The following SIPA1L3 variants were observed in gnomAD, a reference collection of about 807,000 sequenced individuals.
SIPA1L3 encodes the protein signal-induced proliferation-associated 1-like protein 3.
SIPA1L3 carries 59 observed loss-of-function variants against 150.1 expected under a neutral mutation model. The ratio of observed to expected loss-of-function variants is 0.39; its 90% CI spans 0.32 to 0.49. The LOEUF is 0.49. Ranked by LOEUF, SIPA1L3 falls within the 20% of genes least tolerant of loss-of-function variation. The pLI is 0.86. For synonymous variants in SIPA1L3, 1,070 were observed against 1,077.6 expected (o/e 0.99, Z 0.14); for missense variants, 2,211 against 2,489.5 (o/e 0.89, Z 2.38).
chr19:38,068,091 C>G (rs1385235240), intron 2 of SIPA1L3, among the ~76,000 whole-genome samples: 3 of 149,830 alleles, frequency 2.0e-5, no homozygotes, highest in African/African-American at 7.4e-5. Flanking sequence ...GGCGCTATCT[C>G]GGCTCACTGC....
rs543783378 is a variant in SIPA1L3, at chr19:38,135,530, G to A, written c.3143+4758G>A. On this transcript the variant is annotated intron_variant, in intron 10 of 21. Transcript: ENST00000222345. ...TCCCACGGGTGCACACGATAAGCCA[G>A]CTTGCGCATCGCATGACTCTCACCC... 2.0e-5 allele frequency among the ~76,000 whole-genome samples: 3 copies of A among 152,324 alleles called. No homozygotes were observed. The East Asian group carries it at 5.8e-4, about 29-fold the overall frequency.
chr19:38,119,857 T>A lies in SIPA1L3; in HGVS notation c.2843T>A (p.Ile948Lys). 6.2e-7 allele frequency: 1 copy of A among 1,611,294 alleles called. No homozygotes were observed. Residue 948 changes from isoleucine (I) to lysine (K), a missense_variant, in exon 9 of 22, where the codon ATA (isoleucine) becomes AAA (lysine). Transcript: ENST00000222345. ...LQATEGSVED[I>K]REIVQRLKVM... ...GCGACAGAGGGTTCTGTGGAGGACA[T>A]AAGGGAGATAGTGCAGAGACTGAAG...
chr19:37,927,521 CGTGTGTGTGTGTGTGTGT>C (rs144453861), intron 1 of SIPA1L3, among the ~76,000 whole-genome samples: 15 of 136,828 alleles, frequency 1.1e-4, no homozygotes, highest in African/African-American at 3.6e-4. Context: ...GTCTGTTGTT[CGTGTGTGTGTGTGTGTGT>C]GTGTGTGTGT....
At chr19:38,059,905 G>A (rs1038365286) in intron 2 of SIPA1L3, among the ~76,000 whole-genome samples, 2 of 152,138 alleles carry the variant, frequency 1.3e-5, no homozygotes, top group African/African-American at 4.8e-5. Flanking sequence ...CTCCCAAGTA[G>A]CTGGGATTAC....
rs1970041541 is a variant in SIPA1L3 at position 38,082,953 on chromosome 19, C to A, written c.1388C>A (p.Ala463Asp). The A allele has an allele frequency of 6.2e-7, 1 of 1,612,892 alleles. No individual in the cohort carries two copies. Among genetic ancestry groups the A allele is most frequent in the Non-Finnish European group, 8.5e-7 (1 of 1,179,856 alleles). Residue 463 changes from alanine (A) to aspartate (D), a missense_variant, in exon 3 of 22, where the codon GCC becomes GAC. Transcript: ENST00000222345. ...SSGEGHLAEP[A>D]LSAYRTNASI... ...GGCGAGGGCCACCTGGCAGAGCCCG[C>A]CCTGAGCGCCTACCGCACCAACGCC... is the stretch of plus-strand genomic sequence containing the variant.
At chr19:38,034,604 C>T (rs576017915) in intron 2 of SIPA1L3, among the ~76,000 whole-genome samples, 2 of 152,286 alleles carry the variant, frequency 1.3e-5, no homozygotes, top group Non-Finnish European at 2.9e-5. Flanking sequence ...CAGAGCCCAG[C>T]AGTGTGTTTT....
chr19:38,024,025 G>A (rs1046987481), intron 1 of SIPA1L3, among the ~76,000 whole-genome samples: 16 of 152,148 alleles, frequency 1.1e-4, no homozygotes, highest in Admixed American at 3.9e-4. Flanking sequence ...GGGGGAGGGG[G>A]GTGGACGAGG....
intron 1 of SIPA1L3, among the ~76,000 whole-genome samples, chr19:37,935,367 T>A (rs2046591151): frequency 6.6e-6 from 1 of 152,202 alleles, no homozygotes; most frequent in South Asian, 2.1e-4. Flanking sequence ...TGATTGTGTG[T>A]TTCTTTTTCA....
intron 1 of SIPA1L3, among the ~76,000 whole-genome samples, chr19:37,989,234 T>C (rs936805767): frequency 6.6e-6 from 1 of 152,124 alleles, no homozygotes; most frequent in African/African-American, 2.4e-5. Context: ...TTTGTTTGCT[T>C]TTAAAGACAA....
chr19:37,988,871 G>A (rs565248430), intron 1 of SIPA1L3, among the ~76,000 whole-genome samples: 10 of 152,156 alleles, frequency 6.6e-5, no homozygotes, highest in East Asian at 1.9e-4. Context: ...GGATCTCTGC[G>A]CGGGCCGTCC....
intron 4 of SIPA1L3, among the ~76,000 whole-genome samples, chr19:38,099,047 C>G (rs748454703): frequency 1.2e-4 from 18 of 151,556 alleles, no homozygotes; most frequent in Non-Finnish European, 2.4e-4. Context: ...CTTTTCTTTT[C>G]TTTTCTCAGA....
intron 3 of SIPA1L3, among the ~76,000 whole-genome samples, chr19:38,084,639 T>C (rs571726506): frequency 3.8e-4 from 55 of 143,734 alleles, no homozygotes; most frequent in African/African-American, 5.6e-4. Context: ...CTTTTTCTTT[T>C]TTTTTTTTTT....
intron 2 of SIPA1L3, among the ~76,000 whole-genome samples, chr19:38,068,829 GCCTGGGTGGCAAAGAC>G (rs1969654484): frequency 6.6e-6 from 1 of 152,172 alleles, no homozygotes; most frequent in South Asian, 2.1e-4. Flanking sequence ...CCACACTCCA[GCCTGGGTGGCAAAGAC>G]CCTGTCTCAA....
At chr19:37,947,378 A>G (rs1012858408) in intron 1 of SIPA1L3, among the ~76,000 whole-genome samples, 5 of 151,534 alleles carry the variant, frequency 3.3e-5, no homozygotes, top group African/African-American at 1.2e-4. Flanking sequence ...AGTCCCAGCT[A>G]CTCAGGAGGC....
chr19:38,114,300 G>A (rs1221367194), intron 8 of SIPA1L3, among the ~76,000 whole-genome samples: 2 of 151,938 alleles, frequency 1.3e-5, no homozygotes, highest in African/African-American at 2.4e-5. Context: ...GCACATGCCT[G>A]TAATCCCAGC....
chr19:38,019,962 G>A (rs1968333592), intron 1 of SIPA1L3, among the ~76,000 whole-genome samples: 1 of 152,070 alleles, frequency 6.6e-6, no homozygotes, highest in Admixed American at 6.6e-5. Flanking sequence ...GTGTGGTGAT[G>A]CACACCTGTA....
At chr19:38,155,647 T>C (rs531477809) in intron 13 of SIPA1L3, among the ~76,000 whole-genome samples, 2 of 152,248 alleles carry the variant, frequency 1.3e-5, no homozygotes, top group South Asian at 2.1e-4. Flanking sequence ...GGAGATGTCC[T>C]CTTAGGGAGT....
chr19:38,154,222 G>A (rs549040714), intron 13 of SIPA1L3, among the ~76,000 whole-genome samples: 3 of 152,286 alleles, frequency 2.0e-5, no homozygotes, highest in African/African-American at 4.8e-5. Flanking sequence ...ACATGGTATC[G>A]CAGTATCTGA....
chr19:38,202,519 C>T (rs1973111403), intron 20 of SIPA1L3, among the ~76,000 whole-genome samples: 1 of 152,000 alleles, frequency 6.6e-6, no homozygotes, highest in Admixed American at 6.6e-5. Flanking sequence ...ACCCGGGAGG[C>T]GAAGCTTGCA....
Sources: gnomAD v4.1 joint callset for allele counts (sites outside exome capture counted in the v4.1 genomes callset) on GRCh38, gnomAD v4.1.1 for gene constraint, MANE v1.5 for transcripts, NCBI Gene and HGNC (gene_info 2026-07-23, HGNC 2026-07-21) for gene names.